Variants in ITK observed in about 807,000 individuals in gnomAD.
ITK encodes the protein tyrosine-protein kinase ITK/TSK.
Under a neutral mutation model 87.6 loss-of-function variants are expected in ITK, and 45 were observed. The ratio of observed to expected loss-of-function variants is 0.51; its 90% confidence interval spans 0.40 to 0.66. The LOEUF (loss-of-function observed/expected upper bound fraction) is 0.66, where lower values mean the gene tolerates loss of function less well. Ranked by LOEUF, ITK falls within the 30% of genes least tolerant of loss-of-function variation. ITK has a pLI of 0.00. For missense variants in ITK, 605 were observed against 766.3 expected (o/e 0.79, Z 2.48); for synonymous variants, 303 against 273.6 (o/e 1.11, Z -1.06).
chr5:157,206,936 A>G (rs1297409699), intron 1 of ITK, among the ~76,000 whole-genome samples: 1 of 152,068 alleles, frequency 6.6e-6, no homozygotes, highest in Non-Finnish European at 1.5e-5. Flanking sequence ...AATTACAGAG[A>G]TTATGACACA....
chr5:157,220,043 A>G (rs25781), intron 5 of ITK, among the ~76,000 whole-genome samples: 39,529 of 152,150 alleles, frequency 0.26, 5,928 homozygotes, highest in Non-Finnish European at 0.34. Flanking sequence ...GCCACTTGAA[A>G]TCATTTCTCT....
At position 157,211,561 on chromosome 5, in the gene ITK, C is replaced by T. The variant is rs1754193112; in HGVS notation, c.325+193C>T. ...GTATCATTCAGGGATTGACCAAATC[C>T]AGCCTGCTGTCTGTTCTTGTCAGGC... On this transcript the variant is annotated intron_variant, in intron 3 of 16. Transcript: ENST00000422843. 18 of 613,676 alleles carry T rather than the reference C, an allele frequency of 2.9e-5. No individual in the cohort carries two copies. The South Asian group carries it at 3.0e-4, about 10-fold the overall frequency. The allele number at this position is 613,676 out of a possible 1,614,324, so 38.0% of individuals were successfully genotyped here. A position where few individuals can be genotyped will look rare whatever the true frequency, so the allele number is the denominator to read the frequency against.
chr5:157,216,910 C>T (rs1013655154), intron 4 of ITK, among the ~76,000 whole-genome samples: 1 of 152,152 alleles, frequency 6.6e-6, no homozygotes, highest in African/African-American at 2.4e-5. Flanking sequence ...CAATGTGTGA[C>T]TCTCCTCTAC....
intron 1 of ITK, among the ~76,000 whole-genome samples, chr5:157,190,932 G>A (rs542375230): frequency 6.6e-6 from 1 of 152,230 alleles, no homozygotes; most frequent in Non-Finnish European, 1.5e-5. Flanking sequence ...CCCATGAAAA[G>A]TTTCCAAGGT....
chr5:157,205,650 G>A (rs1754063360), intron 1 of ITK, among the ~76,000 whole-genome samples: 1 of 152,172 alleles, frequency 6.6e-6, no homozygotes, highest in Non-Finnish European at 1.5e-5. Flanking sequence ...TAACAGTTAT[G>A]AGCAGACAAA....
chr5:157,248,320 G>A (rs192196835), intron 15 of ITK, among the ~76,000 whole-genome samples: 117 of 152,298 alleles, frequency 7.7e-4, no homozygotes, highest in Admixed American at 3.3e-3. Context: ...GTCAAAAATA[G>A]ACAAGCAAAA....
At chr5:157,217,981 C>G in intron 5 of ITK, 74 bp downstream of exon 5, 4 of 1,263,348 alleles carry the variant, frequency 3.2e-6, no homozygotes, top group Non-Finnish European at 4.6e-6. Context: ...ATTTGCATGT[C>G]CCCCTCTCCC....
intron 1 of ITK, among the ~76,000 whole-genome samples, chr5:157,182,433 C>T (rs1338801355): frequency 6.6e-6 from 1 of 152,046 alleles, no homozygotes; most frequent in Non-Finnish European, 1.5e-5. Flanking sequence ...TAAAAAAATA[C>T]AGAAAACAAA....
chr5:157,212,131 G>A (rs149795136), intron 3 of ITK, among the ~76,000 whole-genome samples: 10 of 152,258 alleles, frequency 6.6e-5, no homozygotes, highest in Non-Finnish European at 1.0e-4. Flanking sequence ...CTTGACCTTC[G>A]TGTGTCTCTA....
At position 157,214,298 on chromosome 5, in the gene ITK, C is replaced by G. The variant is rs1754253339; in HGVS notation, c.433C>G (p.Gln145Glu). ...GGAGAAGCTTGCAACAGGCTGTGCC[C>G]AATATGATCCAACCAAGAATGGTAA... ...QLEKLATGCA[Q>E]YDPTKNASKK... The change falls in exon 4 of 17, where the codon CAA becomes GAA. Residue 145 changes from glutamine (Q) to glutamate (E), a missense_variant. Coordinates refer to ENST00000422843, the MANE Select transcript of ITK (RefSeq NM_005546.4). 1 of 1,612,968 alleles carries G rather than the reference C, an allele frequency of 6.2e-7. No individual in the cohort carries two copies. The highest frequency in any genetic ancestry group is 8.5e-7 in the Non-Finnish European group (1 of 1,179,082).
chr5:157,201,171 T>A (rs563762753), intron 1 of ITK, among the ~76,000 whole-genome samples: 1 of 152,046 alleles, frequency 6.6e-6, no homozygotes, highest in South Asian at 2.1e-4. Context: ...AAACCCCCAG[T>A]ACACTAATAG....
In ITK at chr5:157,181,847, T is replaced by A. The variant is rs1753535912; in HGVS notation, c.138+732T>A. Among the ~76,000 whole-genome samples, 4 of 152,354 alleles carry A rather than the reference T, an allele frequency of 2.6e-5. No individual in the cohort carries two copies. In the South Asian group the frequency reaches 8.3e-4, roughly 32 times the overall value. On this transcript the variant is annotated intron_variant, in intron 1 of 16. Transcript: ENST00000422843. The stretch of plus-strand genomic sequence containing the variant: ...ATCTCTTTATCTAAAAATAGTCTTG[T>A]GCTTCTTAACATCACTAATAACAAA...
intron 1 of ITK, among the ~76,000 whole-genome samples, chr5:157,204,469 G>T (rs1411269167): frequency 6.6e-6 from 1 of 152,192 alleles, no homozygotes; most frequent in Non-Finnish European, 1.5e-5. Context: ...GGAGGTTGAG[G>T]TGGGTGGACC....
intron 1 of ITK, among the ~76,000 whole-genome samples, chr5:157,198,699 T>C (rs1056951287): frequency 2.6e-5 from 4 of 152,190 alleles, no homozygotes; most frequent in African/African-American, 9.6e-5. Flanking sequence ...TCATTGCAAA[T>C]TGCTCTGGTG....
intron 1 of ITK, among the ~76,000 whole-genome samples, chr5:157,189,797 G>T (rs988815440): frequency 6.6e-6 from 1 of 152,226 alleles, no homozygotes; most frequent in Non-Finnish European, 1.5e-5. Context: ...CTATTTTAAA[G>T]CTCTTCGCAA....
At chr5:157,193,755 G>A (rs2431105) in intron 1 of ITK, among the ~76,000 whole-genome samples, 26,001 of 152,116 alleles carry the variant, frequency 0.17, 3,048 homozygotes, top group African/African-American at 0.33. Context: ...TTGGGGCAAG[G>A]ATTTGTTGGT....
intron 11 of ITK, 98 bp from the exon 12 acceptor site, chr5:157,243,525 A>G (rs1297693119): frequency 8.5e-6 from 8 of 946,246 alleles, no homozygotes; most frequent in Non-Finnish European, 1.4e-5. Flanking sequence ...TATTAACAAT[A>G]GGCTAAAATT....
Position 157,243,723 on chromosome 5 carries a change from G to A in ITK, c.1161G>A (p.Lys387=), listed in dbSNP as rs2113774542. The A allele has an allele frequency of 6.2e-7, 1 of 1,614,024 alleles. No individual in the cohort carries two copies. Among genetic ancestry groups the A allele is most frequent in the East Asian group, 2.2e-5 (1 of 44,884 alleles). Residue 387 remains lysine (K), a synonymous_variant, in exon 12 of 17, where the codon AAG becomes AAA. Transcript: ENST00000422843. ...TGGGCTACTGGCTCAACAAGGACAA[G>A]GTGGCTATCAAAACCATTCGGGAAG... is the stretch of plus-strand genomic sequence containing the variant. ...VHLGYWLNKD[K]VAIKTIREGA...
At chr5:157,207,986 T>C (rs1413553279) in intron 1 of ITK, among the ~76,000 whole-genome samples, 1 of 152,154 alleles carries the variant, frequency 6.6e-6, no homozygotes, top group East Asian at 1.9e-4. Flanking sequence ...TTGGGATTGA[T>C]TGGTAGTGGG....
Sources: gnomAD v4.1 joint callset for allele counts (sites outside exome capture counted in the v4.1 genomes callset) on GRCh38, gnomAD v4.1.1 for gene constraint, MANE v1.5 for transcripts, NCBI Gene and HGNC (gene_info 2026-07-23, HGNC 2026-07-21) for gene names.